Variants in CCDC192 observed in about 807,000 individuals in gnomAD.
CCDC192 encodes coiled-coil domain containing 192.
At chr5:127,830,764 A>G (rs1482319166) in intron 5 of CCDC192, among the ~76,000 whole-genome samples, 4 of 130,840 alleles carry the variant, frequency 3.1e-5, no homozygotes, top group Admixed American at 1.5e-4. Context: ...GGTTTTTGAG[A>G]AAAAAAAAAA....
intron 3 of CCDC192, among the ~76,000 whole-genome samples, chr5:127,775,844 CCTGCA>C (rs1755826103): frequency 6.6e-6 from 1 of 152,162 alleles, no homozygotes; most frequent in African/African-American, 2.4e-5. Flanking sequence ...TGGGAATTTC[CCTGCA>C]CAAGCTCTCT....
chr5:127,932,925 T>G (rs1398871866), intron 6 of CCDC192, among the ~76,000 whole-genome samples: 1 of 152,182 alleles, frequency 6.6e-6, no homozygotes, highest in Non-Finnish European at 1.5e-5. Context: ...GTAGGTAAGA[T>G]GGCCAGGGAA....
At chr5:127,832,653 A>C (rs999811601) in intron 5 of CCDC192, among the ~76,000 whole-genome samples, 1 of 152,204 alleles carries the variant, frequency 6.6e-6, no homozygotes, top group Admixed American at 6.6e-5. Flanking sequence ...CAAAGTAGAT[A>C]TCAAACTTAG....
At position 127,788,872 on chromosome 5, in the gene CCDC192, G is replaced by C. The variant is rs148859036; in HGVS notation, c.223-8231G>C. The stretch of plus-strand genomic sequence containing the variant: ...CCTAATTTTTAATGTGATGGTATTT[G>C]GAAGGGGTACATTTAGGAAATAATT... On this transcript the variant is annotated intron_variant, in intron 3 of 6. Coordinates refer to ENST00000514853, the MANE Select transcript of CCDC192 (RefSeq NM_001317938.2). Among the ~76,000 whole-genome samples, 451 of 152,204 alleles carry C rather than the reference G, an allele frequency of 3.0e-3. 1 individual carries two copies. Among genetic ancestry groups the C allele is most frequent in the African/African-American group, 0.01 (420 of 41,530 alleles).
intron 6 of CCDC192, among the ~76,000 whole-genome samples, chr5:127,933,559 G>A (rs1047165647): frequency 4.6e-5 from 7 of 152,180 alleles, no homozygotes; most frequent in Non-Finnish European, 1.0e-4. Flanking sequence ...AGTGGTTAGA[G>A]ACAAGTGTTT....
chr5:127,911,683 C>G (rs1753356673), intron 6 of CCDC192, among the ~76,000 whole-genome samples: 1 of 146,806 alleles, frequency 6.8e-6, no homozygotes, highest in Admixed American at 7.0e-5. Flanking sequence ...AATTCTCTAT[C>G]TTTTGCCTTA....
At chr5:127,859,433 C>A (rs1452848551) in intron 5 of CCDC192, among the ~76,000 whole-genome samples, 1 of 152,120 alleles carries the variant, frequency 6.6e-6, no homozygotes, top group Non-Finnish European at 1.5e-5. Context: ...TGGAATCTGG[C>A]TGTGCAACAG....
intron 6 of CCDC192, among the ~76,000 whole-genome samples, chr5:127,911,246 G>A (rs1371143734): frequency 6.6e-6 from 1 of 152,202 alleles, no homozygotes; most frequent in African/African-American, 2.4e-5. Context: ...GGGACATGAA[G>A]ACAGGTAACA....
chr5:127,709,119 G>GAGAT (rs1554067165), intron 2 of CCDC192, among the ~76,000 whole-genome samples: 1 of 23,838 alleles, frequency 4.2e-5, no homozygotes, highest in African/African-American at 1.8e-4. Context: ...GAGAGAGAGA[G>GAGAT]AGAGGGAGAG....
chr5:127,891,359 T>A (rs1305109126), intron 6 of CCDC192, among the ~76,000 whole-genome samples: 1 of 152,162 alleles, frequency 6.6e-6, no homozygotes, highest in Non-Finnish European at 1.5e-5. Context: ...CAGCCGAAAA[T>A]GACCTTACTT....
At chr5:127,924,585 G>T (rs1035534260) in intron 6 of CCDC192, among the ~76,000 whole-genome samples, 1 of 152,130 alleles carries the variant, frequency 6.6e-6, no homozygotes, top group Non-Finnish European at 1.5e-5. Context: ...GACCCCCAAG[G>T]GTATGTTGTG....
intron 2 of CCDC192, among the ~76,000 whole-genome samples, chr5:127,710,125 T>C (rs1204696681): frequency 6.6e-6 from 1 of 152,102 alleles, no homozygotes; most frequent in Non-Finnish European, 1.5e-5. Context: ...TGTGCTTCGG[T>C]TTCTGATTTT....
At chr5:127,924,580 C>T (rs1415340122) in intron 6 of CCDC192, among the ~76,000 whole-genome samples, 4 of 152,124 alleles carry the variant, frequency 2.6e-5, no homozygotes, top group Non-Finnish European at 2.9e-5. Flanking sequence ...CATATGACCC[C>T]CAAGGGTATG....
chr5:127,875,060 A>G lies in CCDC192; in HGVS notation c.412-478A>G, dbSNP rs536575346. Reference sequence around the variant, plus strand: ...CCCATACTAAATATCAGAAAACACCAGCGTTTGGTGGTCGTATCACACTTT... The same window carrying G: ...CCCATACTAAATATCAGAAAACACCGGCGTTTGGTGGTCGTATCACACTTT... On this transcript the variant is annotated intron_variant, in intron 5 of 6. Transcript: ENST00000514853. 2.6e-5 allele frequency among the ~76,000 whole-genome samples: 4 copies of G among 152,276 alleles called. No homozygotes were observed. In the East Asian group the frequency reaches 7.7e-4, roughly 29 times the overall value.
intron 6 of CCDC192, chr5:127,940,440 G>GTTACTTAT (rs1754357075): frequency 6.7e-6 from 1 of 149,830 alleles, no homozygotes; most frequent in Non-Finnish European, 1.5e-5. Flanking sequence ...CAACCTTTTC[G>GTTACTTAT]TTATTTATTT....
At chr5:127,858,696 C>T (rs1315855374) in intron 5 of CCDC192, among the ~76,000 whole-genome samples, 1 of 152,116 alleles carries the variant, frequency 6.6e-6, no homozygotes, top group African/African-American at 2.4e-5. Flanking sequence ...AGGCATTTAC[C>T]CAGTCATAGC....
At chr5:127,704,765 A>G (rs1750864798) in intron 1 of CCDC192, among the ~76,000 whole-genome samples, 1 of 152,032 alleles carries the variant, frequency 6.6e-6, no homozygotes, top group African/African-American at 2.4e-5. Flanking sequence ...AGCTAAAGAG[A>G]TAACATATCT....
intron 2 of CCDC192, among the ~76,000 whole-genome samples, chr5:127,732,261 A>G (rs2126818441): frequency 6.6e-6 from 1 of 152,372 alleles, no homozygotes; most frequent in South Asian, 2.1e-4. Context: ...ATCACTGATC[A>G]TTAGAGAAAT....
intron 2 of CCDC192, among the ~76,000 whole-genome samples, chr5:127,747,505 A>G (rs2126855255): frequency 6.6e-6 from 1 of 152,180 alleles, no homozygotes; most frequent in South Asian, 2.1e-4. Context: ...CCAGTCTGTC[A>G]TTGTTGGGCA....
Sources: allele counts gnomAD v4.1 joint callset (sites outside exome capture counted in the v4.1 genomes callset), GRCh38; gene constraint gnomAD v4.1.1; transcripts MANE v1.5; gene names NCBI Gene and HGNC (gene_info 2026-07-23, HGNC 2026-07-21).